Variants in SNX29 observed in about 807,000 individuals in gnomAD.
SNX29 encodes the protein sorting nexin-29.
A neutral mutation model predicts 102.1 loss-of-function variants in SNX29; 78 were observed. That is an observed-to-expected ratio of 0.76 (90% CI 0.64 to 0.92). The LOEUF is 0.92. SNX29 is among the 40% of genes least tolerant of loss of function. SNX29 has a pLI of 0.00. For synonymous variants in SNX29, 580 were observed against 414.5 expected, an observed-to-expected ratio of 1.40 and a Z score of -4.85; for missense variants, 1,280 against 1,061.7, an observed-to-expected ratio of 1.21 and a Z score of -2.86.
At chr16:12,321,326 C>T (rs1273701544) in intron 15 of SNX29, among the ~76,000 whole-genome samples, 1 of 152,168 alleles carries the variant, frequency 6.6e-6, no homozygotes, top group Admixed American at 6.5e-5. Flanking sequence ...TCACTGTGTC[C>T]TGGAGGAATG....
chr16:12,482,955 G>T (rs1167402332), intron 19 of SNX29, among the ~76,000 whole-genome samples: 1 of 152,068 alleles, frequency 6.6e-6, no homozygotes, highest in Non-Finnish European at 1.5e-5. Flanking sequence ...ATATTCACAG[G>T]ATACCCAGAG....
intron 20 of SNX29, among the ~76,000 whole-genome samples, chr16:12,544,330 C>G (rs940211202): frequency 6.6e-6 from 1 of 151,930 alleles, no homozygotes; most frequent in African/African-American, 2.4e-5. Context: ...AGTCATGAGG[C>G]AGGAAAAGTC....
At chr16:12,559,142 C>A (rs2078561765) in intron 20 of SNX29, among the ~76,000 whole-genome samples, 1 of 152,146 alleles carries the variant, frequency 6.6e-6, no homozygotes. Flanking sequence ...TTCTGGTCCC[C>A]AACCCCTGGC....
chr16:12,572,618 C>T lies in SNX29; in HGVS notation c.*3989C>T. On this transcript the variant is annotated 3_prime_UTR_variant, in exon 21 of 21. Transcript: ENST00000566228. The stretch of plus-strand genomic sequence containing the variant: ...GTGAGCCCCCTCCCCTCCGGCTACC[C>T]CCAGAATCCATCCTTCATTCCTCCA... 8 of 1,063,858 alleles carry T rather than the reference C, an allele frequency of 7.5e-6. No homozygotes were observed. The highest frequency in any genetic ancestry group is 8.0e-6 in the Non-Finnish European group (7 of 878,352). The allele number at this position is 1,063,858 out of a possible 1,614,324, so 65.9% of individuals were successfully genotyped here. A position where few individuals can be genotyped will look rare whatever the true frequency, so the allele number is the denominator to read the frequency against.
intron 11 of SNX29, among the ~76,000 whole-genome samples, chr16:12,091,014 CAA>C (rs58933500): frequency 7.5e-4 from 40 of 53,436 alleles, no homozygotes; most frequent in Admixed American, 2.9e-3. Flanking sequence ...GACTTCATCT[CAA>C]AAAAAAAAAA....
chr16:12,524,749 G>A lies in SNX29; in HGVS notation c.2226G>A (p.Leu742=). The change falls in exon 20 of 21, where the codon CTG becomes CTA. Residue 742 remains leucine (L), a synonymous_variant. Transcript: ENST00000566228. Reference sequence around the variant, plus strand: ...GGAGAAAGCAGCTCCAGAATTACCTGCGCAGCGTCATGAACAAAGTCATCC... The same window carrying A: ...GGAGAAAGCAGCTCCAGAATTACCTACGCAGCGTCATGAACAAAGTCATCC... ...EERRKQLQNY[L]RSVMNKVIQM... is the part of the protein sequence containing the mutation. The A allele has an allele frequency of 6.2e-7, 1 of 1,613,736 alleles. No homozygotes were observed. Among genetic ancestry groups the A allele is most frequent in the Non-Finnish European group, 8.5e-7 (1 of 1,179,832 alleles).
intron 14 of SNX29, among the ~76,000 whole-genome samples, chr16:12,265,573 C>T (rs575056584): frequency 6.6e-6 from 1 of 151,966 alleles, no homozygotes; most frequent in South Asian, 2.1e-4. Context: ...AAAAAATTCT[C>T]ACGTCGGCCA....
At chr16:12,139,193 TAAAAAAAAAAAAAAA>T (rs34808071) in intron 13 of SNX29, among the ~76,000 whole-genome samples, 15 of 66,134 alleles carry the variant, frequency 2.3e-4, no homozygotes, top group Non-Finnish European at 3.9e-4. Context: ...AGCGAGACTC[TAAAAAAAAAAAAAAA>T]AAAAAAAAAA....
intron 19 of SNX29, among the ~76,000 whole-genome samples, chr16:12,497,509 C>T (rs915243556): frequency 6.6e-6 from 1 of 152,180 alleles, no homozygotes; most frequent in Admixed American, 6.5e-5. Flanking sequence ...CTAACAAGAT[C>T]ATGTATTGGC....
chr16:12,041,796 A>C (rs1003864092), intron 4 of SNX29, among the ~76,000 whole-genome samples: 2 of 152,230 alleles, frequency 1.3e-5, no homozygotes, highest in Non-Finnish European at 2.9e-5. Context: ...ACACAGTTGC[A>C]TAGACTCTTT....
At chr16:12,287,731 G>T (rs1442094038) in intron 15 of SNX29, among the ~76,000 whole-genome samples, 1 of 152,208 alleles carries the variant, frequency 6.6e-6, no homozygotes, top group African/African-American at 2.4e-5. Flanking sequence ...TTTGAATCAG[G>T]ATCCCAGTAA....
intron 19 of SNX29, among the ~76,000 whole-genome samples, chr16:12,503,734 C>A (rs1348985013): frequency 6.6e-6 from 1 of 152,098 alleles, no homozygotes; most frequent in African/African-American, 2.4e-5. Flanking sequence ...GTCAGAGAGG[C>A]TTTCTTCAAG....
chr16:12,286,641 G>A (rs11864092), intron 15 of SNX29, among the ~76,000 whole-genome samples: 237 of 152,200 alleles, frequency 1.6e-3, no homozygotes, highest in African/African-American at 5.5e-3. Flanking sequence ...CACTGTACCC[G>A]GCCCCAAGGT....
intron 13 of SNX29, among the ~76,000 whole-genome samples, chr16:12,163,002 CT>C (rs1181506928): frequency 6.6e-6 from 1 of 152,164 alleles, no homozygotes; most frequent in African/African-American, 2.4e-5. Context: ...TCACCTCAGC[CT>C]CCCAAGTAGC....
chr16:12,122,193 C>T (rs923519218), intron 11 of SNX29, among the ~76,000 whole-genome samples: 2 of 152,272 alleles, frequency 1.3e-5, no homozygotes, highest in East Asian at 3.9e-4. Flanking sequence ...CCACAGTCAC[C>T]GTGGTGGAGT....
intron 19 of SNX29, among the ~76,000 whole-genome samples, chr16:12,482,520 T>C (rs1297518751): frequency 1.3e-5 from 2 of 152,176 alleles, no homozygotes; most frequent in African/African-American, 4.8e-5. Flanking sequence ...CAGGCTGGTC[T>C]CAAACTCCTG....
chr16:12,024,857 A>G (rs1011843255), intron 3 of SNX29, among the ~76,000 whole-genome samples: 4 of 152,238 alleles, frequency 2.6e-5, no homozygotes, highest in African/African-American at 9.6e-5. Context: ...AACTCTCAAC[A>G]TACCCCAGAG....
At chr16:12,212,855 G>T (rs949949490) in intron 14 of SNX29, among the ~76,000 whole-genome samples, 1 of 152,086 alleles carries the variant, frequency 6.6e-6, no homozygotes, top group Non-Finnish European at 1.5e-5. Context: ...GGCTCATGCC[G>T]GTAATCCCAG....
chr16:12,435,882 AG>A (rs1010402456), intron 18 of SNX29, among the ~76,000 whole-genome samples: 3 of 152,096 alleles, frequency 2.0e-5, no homozygotes, highest in Non-Finnish European at 4.4e-5. Context: ...ATCCTGAGAG[AG>A]GGGATGGCAG....
Sources: allele counts gnomAD v4.1 joint callset (sites outside exome capture counted in the v4.1 genomes callset), GRCh38; gene constraint gnomAD v4.1.1; transcripts MANE v1.5; gene names NCBI Gene and HGNC (gene_info 2026-07-23, HGNC 2026-07-21).